The following ARHGAP35 variants were observed in gnomAD, a reference collection of about 807,000 sequenced individuals.
The protein encoded by ARHGAP35 is rho GTPase-activating protein 35.
Under a neutral mutation model 111.1 loss-of-function variants are expected in ARHGAP35, and 15 were observed. The observed-to-expected ratio is 0.13, with a 90% CI of 0.09 to 0.21. The LOEUF (loss-of-function observed/expected upper bound fraction) is 0.21, where lower values mean the gene tolerates loss of function less well. Among genes scored for constraint, ARHGAP35 ranks in the 10% least tolerant of loss-of-function variants. The pLI is 1.00. For missense variants in ARHGAP35, 1,262 were observed against 1,873.0 expected, an observed-to-expected ratio of 0.67 and a Z score of 6.02; for synonymous variants, 643 against 710.3, an observed-to-expected ratio of 0.91 and a Z score of 1.51.
chr19:46,899,966 G>A (rs2056076361), intron 1 of ARHGAP35, among the ~76,000 whole-genome samples: 1 of 152,110 alleles, frequency 6.6e-6, no homozygotes, highest in Non-Finnish European at 1.5e-5. Flanking sequence ...TGATGTACCT[G>A]TCAATGGCTT....
In ARHGAP35 at chr19:46,920,739, G is replaced by T. The variant is rs2056194047; in HGVS notation, c.2064G>T (p.Arg688=). 6.2e-7 allele frequency: 1 copy of T among 1,611,988 alleles called. No homozygotes were observed. The highest frequency in any genetic ancestry group is 8.5e-7 in the Non-Finnish European group (1 of 1,178,928). The change falls in exon 2 of 7, where the codon CGG becomes CGT. Residue 688 remains arginine (R), a synonymous_variant. Transcript: ENST00000672722. The surrounding 1 kb of genome is among the most constrained non-coding windows in gnomAD (Gnocchi z 7.0). ...IEKSRESTLG[R]RDNHLVHLPL... ...AGAGTAGAGAGTCCACGCTGGGCCG[G>T]CGGGATAATCATTTAGTCCATCTCC...
In ARHGAP35 at chr19:46,979,853, G is replaced by A. The variant is rs543312632; in HGVS notation, c.3827-8136G>A. Among the ~76,000 whole-genome samples the A allele has an allele frequency of 9.9e-5, 15 of 152,200 alleles. 2 individuals carry two copies. The South Asian group carries it at 3.1e-3, about 32-fold the overall frequency. On this transcript the variant is annotated intron_variant, in intron 3 of 6. Transcript: ENST00000672722. ...TCTTGACTGACAGGGGAATTACCTGGGAAGACAGCTAACGAAGGGGCAGGG... is the reference window on the plus strand; with the variant it reads ...TCTTGACTGACAGGGGAATTACCTGAGAAGACAGCTAACGAAGGGGCAGGG...
At chr19:46,865,776 T>C (rs1051584424) in intron 1 of ARHGAP35, among the ~76,000 whole-genome samples, 1 of 152,244 alleles carries the variant, frequency 6.6e-6, no homozygotes, top group East Asian at 1.9e-4. Context: ...AGCGTCTTCC[T>C]GTGATCTGCT....
chr19:46,913,265 G>A (rs545511012), intron 1 of ARHGAP35, among the ~76,000 whole-genome samples: 1 of 150,750 alleles, frequency 6.6e-6, no homozygotes, highest in African/African-American at 2.4e-5. Context: ...TGTGTTGGAA[G>A]AGTGATACAC....
At chr19:46,872,830 G>A (rs913785700) in intron 1 of ARHGAP35, among the ~76,000 whole-genome samples, 22 of 149,340 alleles carry the variant, frequency 1.5e-4, no homozygotes, top group Admixed American at 5.4e-4. Flanking sequence ...GCAGTGAGCC[G>A]AGATTGTGCC....
At chr19:46,977,031 C>T (rs1425265951) in intron 3 of ARHGAP35, among the ~76,000 whole-genome samples, 1 of 152,258 alleles carries the variant, frequency 6.6e-6, no homozygotes, top group African/African-American at 2.4e-5. Context: ...CTCTTCTCCT[C>T]CGTGTTACAC....
rs531278764 is a variant in ARHGAP35, at chr19:46,901,564, A to C, written c.-188-16924A>C. On this transcript the variant is annotated intron_variant, in intron 1 of 6. Coordinates refer to ENST00000672722, the MANE Select transcript of ARHGAP35 (RefSeq NM_004491.5). This position sits in a 1 kb window ranked among gnomAD's most constrained non-coding sequence, Gnocchi z 4.5. ...CAGAGCTTAGACTCTGTCTCACACA[A>C]AAAAAATGATCAAATCTGTTCTTTA... Among the ~76,000 whole-genome samples, 9 of 152,240 alleles carry C rather than the reference A, an allele frequency of 5.9e-5. No homozygotes were observed. The highest frequency in any genetic ancestry group is 2.0e-4 in the Admixed American group (3 of 15,282).
chr19:46,881,168 C>T lies in ARHGAP35; in HGVS notation c.-189+19959C>T, dbSNP rs564490580. On this transcript the variant is annotated intron_variant, in intron 1 of 6. Transcript: ENST00000672722. ...CCATGTTGGCCAGGCTGGTCTTGAA[C>T]TCCTGATGTAATCCACCCACCTCGG... 2.8e-3 allele frequency among the ~76,000 whole-genome samples: 432 copies of T among 152,226 alleles called. 2 individuals are homozygous for T. Among genetic ancestry groups the T allele is most frequent in the African/African-American group, 9.9e-3 (410 of 41,544 alleles).
chr19:46,929,812 G>A (rs142389222), intron 2 of ARHGAP35, among the ~76,000 whole-genome samples: 1 of 151,238 alleles, frequency 6.6e-6, no homozygotes, highest in African/African-American at 2.4e-5. Flanking sequence ...TACTCAGGAG[G>A]CTGAGGCAGA....
intron 3 of ARHGAP35, among the ~76,000 whole-genome samples, chr19:46,955,629 C>T (rs544321402): frequency 6.6e-6 from 1 of 152,090 alleles, no homozygotes; most frequent in African/African-American, 2.4e-5. Flanking sequence ...TTTCCATCAC[C>T]CGGGCTGGAG....
rs1460003652 is a variant in ARHGAP35 at position 46,918,438 on chromosome 19, G to A, written c.-188-50G>A. On this transcript the variant is annotated intron_variant, in intron 1 of 6. Coordinates refer to ENST00000672722, the MANE Select transcript of ARHGAP35 (RefSeq NM_004491.5). This position sits in a 1 kb window ranked among gnomAD's most constrained non-coding sequence, Gnocchi z 5.4. ...ACTGTAGTTAATTGATTAAAATTTGGTTCTAAAATTATGATGCTGATGGGT... is the reference window on the plus strand; with the variant it reads ...ACTGTAGTTAATTGATTAAAATTTGATTCTAAAATTATGATGCTGATGGGT... 6.6e-6 allele frequency among the ~76,000 whole-genome samples: 1 copy of A among 152,064 alleles called. No homozygotes were observed. Among genetic ancestry groups the A allele is most frequent in the South Asian group, 2.1e-4 (1 of 4,814 alleles).
In ARHGAP35 at chr19:46,861,204, C is replaced by T. The variant is rs1221703825; in HGVS notation, c.-194C>T. Among the ~76,000 whole-genome samples, 1 of 151,514 alleles carries T rather than the reference C, an allele frequency of 6.6e-6. No individual in the cohort carries two copies. The highest frequency in any genetic ancestry group is 2.4e-5 in the African/African-American group (1 of 41,354). ...AGGCCGGGGCCGCGCTGAGGGCGCC[C>T]AGCTGGTGAGTGCGCGAGCTCACGG... On this transcript the variant is annotated 5_prime_UTR_variant, in exon 1 of 7. Transcript: ENST00000672722.
At chr19:46,895,289 G>T (rs911445467) in intron 1 of ARHGAP35, among the ~76,000 whole-genome samples, 3 of 151,004 alleles carry the variant, frequency 2.0e-5, no homozygotes, top group Middle Eastern at 3.2e-3. Context: ...TCAGCCTCCC[G>T]AGTAGCTGGG....
At chr19:46,954,686 T>C (rs1468097869) in intron 3 of ARHGAP35, among the ~76,000 whole-genome samples, 1 of 152,276 alleles carries the variant, frequency 6.6e-6, no homozygotes, top group Non-Finnish European at 1.5e-5. Flanking sequence ...TTTGGCTATT[T>C]AAATTCGTAG....
At position 46,922,205 on chromosome 19, in the gene ARHGAP35, T is replaced by G; in HGVS notation, c.3530T>G (p.Val1177Gly). 1 of 1,613,834 alleles carries G rather than the reference T, an allele frequency of 6.2e-7. No individual in the cohort carries two copies. The highest frequency in any genetic ancestry group is 8.5e-7 in the Non-Finnish European group (1 of 1,179,852). ...RFASYRTSFS[V>G]GSDDELGPIR... ...GCTAGTTACCGGACCAGCTTCAGCGTGGGGAGTGATGATGAGCTGGGGCCC... is the reference window on the plus strand; with the variant it reads ...GCTAGTTACCGGACCAGCTTCAGCGGGGGGAGTGATGATGAGCTGGGGCCC... Residue 1177 changes from valine (V) to glycine (G), a missense_variant, in exon 2 of 7, where the codon GTG becomes GGG. Val to Gly is a moderately radical substitution (Grantham distance 109). Transcript: ENST00000672722. This position sits in a 1 kb window ranked among gnomAD's most constrained non-coding sequence, Gnocchi z 4.0.
intron 1 of ARHGAP35, among the ~76,000 whole-genome samples, chr19:46,861,447 C>T (rs544962291): frequency 6.8e-6 from 1 of 147,830 alleles, no homozygotes; most frequent in African/African-American, 2.5e-5. Flanking sequence ...CCGCCCCAGC[C>T]CTGCTGTCCC....
intron 1 of ARHGAP35, among the ~76,000 whole-genome samples, chr19:46,866,122 C>A (rs1001356717): frequency 6.6e-6 from 1 of 152,164 alleles, no homozygotes. Flanking sequence ...ATTACAGGCA[C>A]GAGCTACTGC....
chr19:46,918,807 C>G lies in ARHGAP35; in HGVS notation c.132C>G (p.Arg44=), dbSNP rs2056179172. The change falls in exon 2 of 7, where the codon CGC becomes CGG. Residue 44 remains arginine (R), a synonymous_variant. Transcript: ENST00000672722. The surrounding 1 kb of genome is among the most constrained non-coding windows in gnomAD (Gnocchi z 5.4). ...GKSCLCNRFV[R]PSADEFHLDH... ...CTTGTTTGTGCAACCGCTTCGTGCG[C>G]CCGAGTGCTGACGAGTTTCACTTGG... The G allele has an allele frequency of 6.2e-7, 1 of 1,613,826 alleles. No individual in the cohort carries two copies.
intron 1 of ARHGAP35, among the ~76,000 whole-genome samples, chr19:46,882,631 T>C (rs2055968485): frequency 6.6e-6 from 1 of 152,212 alleles, no homozygotes; most frequent in African/African-American, 2.4e-5. Flanking sequence ...TAGGTATTTG[T>C]CCTAATGCTC....
Sources: allele counts gnomAD v4.1 joint callset (sites outside exome capture counted in the v4.1 genomes callset), GRCh38; gene constraint gnomAD v4.1.1; non-coding constraint Gnocchi (gnomAD v3.1); transcripts MANE v1.5; gene names NCBI Gene and HGNC (gene_info 2026-07-23, HGNC 2026-07-21).